The following FNIP2 variants were observed in gnomAD, a reference collection of about 807,000 sequenced individuals.
The protein encoded by FNIP2 is folliculin-interacting protein 2.
Under a neutral mutation model 108.7 loss-of-function variants are expected in FNIP2, and 32 were observed. The ratio of observed to expected loss-of-function variants is 0.29; its 90% confidence interval spans 0.22 to 0.40. FNIP2 has a LOEUF of 0.40. Among genes scored for constraint, FNIP2 ranks in the 10% least tolerant of loss-of-function variants. The pLI is 1.00. For synonymous variants in FNIP2, 480 were observed against 496.7 expected (o/e 0.97, Z 0.45); for missense variants, 1,202 against 1,381.6 (o/e 0.87, Z 2.06).
chr4:158,869,131 G>A lies in FNIP2; in HGVS notation c.2495G>A (p.Arg832Lys), dbSNP rs186888808. ...CACGGTGCAGGAGGAACGGGAGGGA[G>A]GAGGCTGGAGGCCACTAGAGGTTTG... ...ASHGAGGTGG[R>K]RLEATRGLYV... is the part of the protein sequence containing the mutation. Residue 832 changes from arginine to lysine, a missense_variant, in exon 13 of 17, where the codon AGG (arginine) becomes AAG (lysine). Physicochemically the swap from Arg to Lys is conservative, Grantham distance 26. Coordinates refer to ENST00000264433, the MANE Select transcript of FNIP2 (RefSeq NM_020840.3). 643 of 1,614,050 alleles carry A rather than the reference G, an allele frequency of 4.0e-4. 6 individuals are homozygous for A. The Admixed American group carries it at 0.01, about 26-fold the overall frequency.
intron 15 of FNIP2, chr4:158,893,754 T>G (rs1293559876): frequency 1.5e-5 from 22 of 1,469,224 alleles, no homozygotes; most frequent in Non-Finnish European, 1.8e-5. Flanking sequence ...CTTCATAGTT[T>G]ACTTCATAAG....
intron 6 of FNIP2, chr4:158,834,585 T>C (rs1351892873): frequency 6.6e-6 from 1 of 152,156 alleles, no homozygotes; most frequent in African/African-American, 2.4e-5. Flanking sequence ...AAAATGCATT[T>C]AAATACTCTC....
At chr4:158,883,345 C>T (rs1781812061) in intron 14 of FNIP2, among the ~76,000 whole-genome samples, 1 of 152,048 alleles carries the variant, frequency 6.6e-6, no homozygotes. Context: ...GGGTTCACGC[C>T]ATTCTCCTGC....
intron 16 of FNIP2, among the ~76,000 whole-genome samples, chr4:158,902,039 G>C (rs1729341138): frequency 1.3e-5 from 2 of 152,012 alleles, no homozygotes; most frequent in African/African-American, 2.4e-5. Context: ...TGCTGGTGAG[G>C]AGCTGTGATC....
chr4:158,772,012 C>G (rs1775714934), intron 1 of FNIP2, among the ~76,000 whole-genome samples: 1 of 152,142 alleles, frequency 6.6e-6, no homozygotes, highest in South Asian at 2.1e-4. Context: ...TGTTTCCTGG[C>G]ATTTCATCTA....
intron 1 of FNIP2, chr4:158,806,053 TA>T: frequency 3.4e-6 from 3 of 879,228 alleles, no homozygotes; most frequent in Non-Finnish European, 4.2e-6. Context: ...TTTTTTTTTT[TA>T]AACCTTTGAA....
rs970562505 is a variant in FNIP2 at position 158,904,663 on chromosome 4, C to A, written c.*119C>A. 2 of 881,642 alleles carry A rather than the reference C, an allele frequency of 2.3e-6. No individual in the cohort carries two copies. The highest frequency in any genetic ancestry group is 3.5e-6 in the Non-Finnish European group (2 of 563,512). The allele number at this position is 881,642 out of a possible 1,614,324, so 54.6% of individuals were successfully genotyped here. ...AGAAGAGCAAACAGAAACAGTCATT[C>A]CACCTTTTTGTTTTGTGTTTTTGCT... On this transcript the variant is annotated 3_prime_UTR_variant, in exon 17 of 17. Transcript: ENST00000264433.
intron 6 of FNIP2, chr4:158,833,920 C>A (rs545572517): frequency 1.4e-5 from 18 of 1,298,030 alleles, no homozygotes; most frequent in Non-Finnish European, 1.7e-5. Flanking sequence ...TACAGTGTGA[C>A]CCACACATAT....
chr4:158,842,755 T>C (rs1157177617), intron 7 of FNIP2, among the ~76,000 whole-genome samples: 2 of 152,190 alleles, frequency 1.3e-5, no homozygotes, highest in Non-Finnish European at 2.9e-5. Flanking sequence ...AAATTTAAGA[T>C]GTTTTGAAAT....
chr4:158,883,990 T>C (rs1323132555), intron 14 of FNIP2, among the ~76,000 whole-genome samples: 1 of 143,846 alleles, frequency 7.0e-6, no homozygotes, highest in Non-Finnish European at 1.5e-5. Context: ...TTCCTATCTG[T>C]AGAGCAGTAC....
intron 15 of FNIP2, among the ~76,000 whole-genome samples, chr4:158,892,642 A>G (rs2126773288): frequency 6.6e-6 from 1 of 152,250 alleles, no homozygotes; most frequent in African/African-American, 2.4e-5. Flanking sequence ...GAGAGAGAGA[A>G]GCTTAAGGGC....
chr4:158,857,780 C>CAAAATAAAA (rs1780066866), intron 8 of FNIP2, among the ~76,000 whole-genome samples: 1 of 137,104 alleles, frequency 7.3e-6, no homozygotes, highest in African/African-American at 2.7e-5. Flanking sequence ...CCATCTCTAC[C>CAAAATAAAA]AAAAAAAAAA....
rs776752257 is a variant in FNIP2 at position 158,868,149 on chromosome 4, G to A, written c.1513G>A (p.Val505Ile). The change falls in exon 13 of 17, where the codon GTA becomes ATA. Residue 505 changes from valine (V) to isoleucine (I), a missense_variant. By Grantham distance (29) the Val-to-Ile change is conservative. This residue lies in a region of FNIP2 where 878 missense variants were observed against 990.3 expected (regional missense o/e 0.89). Transcript: ENST00000264433. The surrounding 1 kb of genome is among the most constrained non-coding windows in gnomAD (Gnocchi z 4.6). The part of the protein sequence containing the change: ...IGSPVRLTRT[V>I]VVGKQKDLVQ... ...CTCTCCAGTGAGACTGACTCGCACC[G>A]TAGTGGTAGGGAAGCAGAAGGACTT... The A allele has an allele frequency of 8.1e-6, 13 of 1,613,906 alleles. No homozygotes were observed. Among genetic ancestry groups the A allele is most frequent in the South Asian group, 2.2e-5 (2 of 91,086 alleles).
intron 7 of FNIP2, among the ~76,000 whole-genome samples, chr4:158,848,284 G>A (rs944707117): frequency 6.6e-6 from 1 of 152,198 alleles, no homozygotes; most frequent in African/African-American, 2.4e-5. Context: ...AGGCAGCTCA[G>A]CAGAGAGAGA....
At chr4:158,899,495 T>G (rs1783006660) in intron 16 of FNIP2, among the ~76,000 whole-genome samples, 1 of 152,238 alleles carries the variant, frequency 6.6e-6, no homozygotes, top group South Asian at 2.1e-4. Flanking sequence ...ATTTTTTGGT[T>G]GGTAGGCTAT....
At chr4:158,874,528 C>T (rs1444437671) in intron 14 of FNIP2, among the ~76,000 whole-genome samples, 1 of 139,676 alleles carries the variant, frequency 7.2e-6, no homozygotes, top group Non-Finnish European at 1.5e-5. Context: ...GTGGCACATG[C>T]CTGTAGTCCC....
chr4:158,817,571 G>A (rs1286921032), intron 1 of FNIP2, among the ~76,000 whole-genome samples: 1 of 152,054 alleles, frequency 6.6e-6, no homozygotes, highest in East Asian at 1.9e-4. Context: ...TTTTCAGACA[G>A]TGTCTCACTC....
chr4:158,864,604 C>A (rs1261935940), intron 12 of FNIP2, among the ~76,000 whole-genome samples: 1 of 152,156 alleles, frequency 6.6e-6, no homozygotes, highest in African/African-American at 2.4e-5. Flanking sequence ...TCCCCTACCT[C>A]TCTAACCCCC....
chr4:158,902,937 C>T (rs2126807854), intron 16 of FNIP2, among the ~76,000 whole-genome samples: 1 of 152,176 alleles, frequency 6.6e-6, no homozygotes, highest in East Asian at 1.9e-4. Context: ...GGCATGGGAC[C>T]CACTGAGCCA....
Sources: allele counts gnomAD v4.1 joint callset (sites outside exome capture counted in the v4.1 genomes callset), GRCh38; gene constraint gnomAD v4.1.1; regional missense constraint gnomAD v4.1.1; non-coding constraint Gnocchi (gnomAD v3.1); transcripts MANE v1.5; gene names NCBI Gene and HGNC (gene_info 2026-07-23, HGNC 2026-07-21).